RAE1: variants seen among roughly 807,000 people sequenced by gnomAD.
RAE1 encodes ribonucleic acid export 1, also known as mRNA export factor RAE1.
A neutral mutation model predicts 52.7 loss-of-function variants in RAE1; 13 were observed. The observed-to-expected ratio is 0.25, with a 90% CI of 0.16 to 0.39. The LOEUF is 0.39. Ranked by LOEUF, RAE1 falls within the 10% of genes least tolerant of loss-of-function variation. The probability of loss-of-function intolerance (pLI) is 1.00; values close to 1 mark genes in which losing one functional copy is unlikely to be tolerated. For synonymous variants in RAE1, 164 were observed against 153.1 expected, an observed-to-expected ratio of 1.07 and a Z score of -0.52; for missense variants, 262 against 459.8, an observed-to-expected ratio of 0.57 and a Z score of 3.93.
At chr20:57,364,054 G>GA (rs1351586612) in intron 4 of RAE1, among the ~76,000 whole-genome samples, 2 of 152,234 alleles carry the variant, frequency 1.3e-5, no homozygotes, top group East Asian at 3.8e-4. Context: ...TTTACAGGAA[G>GA]AGTCGGAGCT....
chr20:57,373,216 G>A lies in RAE1; in HGVS notation c.643-259G>A, dbSNP rs142550963. ...CCCATGGGGCTCTGCTGGCGTGAAC[G>A]CGGCCTTGCAGGGTGGCAGAGGGAG... On this transcript the variant is annotated intron_variant, in intron 8 of 11. Coordinates refer to ENST00000395841, the MANE Select transcript of RAE1 (RefSeq NM_003610.4). The A allele has an allele frequency of 9.6e-3, 4,624 of 482,444 alleles. 48 individuals are homozygous for A. Among genetic ancestry groups the A allele is most frequent in the Middle Eastern group, 0.028 (47 of 1,692 alleles). The allele number at this position is 482,444 out of a possible 1,614,324, so 29.9% of individuals were successfully genotyped here. A position where few individuals can be genotyped will look rare whatever the true frequency, so the allele number is the denominator to read the frequency against.
At chr20:57,377,278 G>T (rs111922356) in intron 11 of RAE1, among the ~76,000 whole-genome samples, 1 of 152,074 alleles carries the variant, frequency 6.6e-6, no homozygotes, top group Non-Finnish European at 1.5e-5. Context: ...GCCCACCTGC[G>T]GCTCCTGCCT....
intron 4 of RAE1, chr20:57,359,180 C>T (rs1489339311): frequency 7.1e-5 from 34 of 481,252 alleles, no homozygotes; most frequent in Admixed American, 3.5e-4. Flanking sequence ...GGTAAACAGG[C>T]GGGGTAAGAT....
At chr20:57,377,828 A>G (rs1441271638) in intron 11 of RAE1, among the ~76,000 whole-genome samples, 185 bp from the exon 12 acceptor site, 2 of 152,120 alleles carry the variant, frequency 1.3e-5, no homozygotes, top group African/African-American at 2.4e-5. Flanking sequence ...TACCAACCAC[A>G]TCCTTAGGCC....
At chr20:57,369,623 T>G (rs6064535) in intron 8 of RAE1, among the ~76,000 whole-genome samples, 8,464 of 152,266 alleles carry the variant, frequency 0.056, 580 homozygotes, top group African/African-American at 0.17. Context: ...AAATTACACA[T>G]CTGGATGGGT....
chr20:57,367,228 T>C (rs1473346536), intron 7 of RAE1, 149 bp downstream of exon 7: 9 of 712,350 alleles, frequency 1.3e-5, no homozygotes, highest in Non-Finnish European at 1.8e-5. Context: ...TGAGATTGCC[T>C]CAGTCGTCTC....
At chr20:57,371,318 G>C (rs915458638) in intron 8 of RAE1, 3 of 152,230 alleles carry the variant, frequency 2.0e-5, no homozygotes, top group Admixed American at 6.5e-5. Context: ...GGCTATTTCT[G>C]ACAAGGGATT....
rs536981841 is a variant in RAE1, at chr20:57,375,078, G to T, written c.1020+277G>T. 4 of 693,716 alleles carry T rather than the reference G, an allele frequency of 5.8e-6. No homozygotes were observed. The Admixed American group carries it at 6.1e-5, about 11-fold the overall frequency. 43.0% of individuals were successfully genotyped at this position (693,716 alleles called of 1,614,324 possible). On this transcript the variant is annotated intron_variant, in intron 11 of 11. Coordinates refer to ENST00000395841, the MANE Select transcript of RAE1 (RefSeq NM_003610.4). ...CTGGGCACAGAAGCACAGGCAAGCC[G>T]GGGGCTGCACTTTATGAAGGGGGTG...
At position 57,378,397 on chromosome 20, in the gene RAE1, A is replaced by G; in HGVS notation, c.*298A>G. 9.2e-6 allele frequency: 3 copies of G among 327,574 alleles called. No individual in the cohort carries two copies. The highest frequency in any genetic ancestry group is 1.7e-5 in the Non-Finnish European group (3 of 178,248). 20.3% of individuals were successfully genotyped at this position (327,574 alleles called of 1,614,324 possible). On this transcript the variant is annotated 3_prime_UTR_variant, in exon 12 of 12. Transcript: ENST00000395841. ...CGCTTCAGTGTACGTGTTAGAGAAT[A>G]TTGGAAAAGCGTCTGTGAGCCCCGT...
chr20:57,375,273 G>A (rs1249206455), intron 11 of RAE1, among the ~76,000 whole-genome samples: 2 of 151,968 alleles, frequency 1.3e-5, no homozygotes, highest in African/African-American at 4.8e-5. Flanking sequence ...CATGGGAAGT[G>A]TGTTGGCTTT....
rs1481631891 is a variant in RAE1 at position 57,367,025 on chromosome 20, G to A, written c.480G>A (p.Ser160=). Residue 160 remains serine, a synonymous_variant, in exon 7 of 12, where the codon TCG becomes TCA. Coordinates refer to ENST00000395841, the MANE Select transcript of RAE1 (RefSeq NM_003610.4). The part of the protein sequence containing the change: ...DKTLKFWDTR[S]SNPMMVLQLP... ...GCTTTTAGTTTTGGGATACTCGATC[G>A]TCAAATCCTATGATGGTTTTGCAAC... 1.9e-6 allele frequency: 3 copies of A among 1,610,208 alleles called. No individual in the cohort carries two copies. The highest frequency in any genetic ancestry group is 1.3e-5 in the African/African-American group (1 of 74,898).
intron 7 of RAE1, among the ~76,000 whole-genome samples, 160 bp from the exon 8 acceptor site, chr20:57,368,545 C>G (rs2066989941): frequency 6.6e-6 from 1 of 152,102 alleles, no homozygotes; most frequent in South Asian, 2.1e-4. Context: ...TATGAATGTT[C>G]TACTTTCAAA....
chr20:57,354,867 C>G, intron 3 of RAE1, 51 bp downstream of exon 3: 2 of 1,379,558 alleles, frequency 1.4e-6, no homozygotes, highest in South Asian at 2.7e-5. Flanking sequence ...TTTGTATGGC[C>G]AAGGTTAGCT....
intron 3 of RAE1, 33 bp downstream of exon 3, chr20:57,354,849 C>A: frequency 1.3e-6 from 2 of 1,487,450 alleles, no homozygotes; most frequent in South Asian, 2.5e-5. Flanking sequence ...TTCTAGAAAT[C>A]ATCTCTCTTT....
At chr20:57,370,048 C>T (rs1029460216) in intron 8 of RAE1, among the ~76,000 whole-genome samples, 1 of 152,188 alleles carries the variant, frequency 6.6e-6, no homozygotes, top group Admixed American at 6.5e-5. Context: ...TTAGCACTGA[C>T]ACTAGCTCAA....
intron 8 of RAE1, among the ~76,000 whole-genome samples, chr20:57,370,752 T>C (rs1568791369): frequency 6.6e-6 from 1 of 152,242 alleles, no homozygotes; most frequent in Non-Finnish European, 1.5e-5. Flanking sequence ...TTCCCTTCTT[T>C]TGCCTACTAG....
intron 2 of RAE1, 91 bp downstream of exon 2, chr20:57,354,219 C>T: frequency 1.8e-6 from 2 of 1,096,576 alleles, no homozygotes. Context: ...TGGGAGCCTC[C>T]TTTAGGCTGA....
intron 1 of RAE1, among the ~76,000 whole-genome samples, chr20:57,353,149 A>C (rs2146123502): frequency 6.6e-6 from 1 of 152,324 alleles, no homozygotes. Context: ...CGTAACAGGT[A>C]GTAGGATTGA....
intron 4 of RAE1, among the ~76,000 whole-genome samples, chr20:57,361,307 A>T (rs2066889175): frequency 6.6e-6 from 1 of 152,178 alleles, no homozygotes; most frequent in African/African-American, 2.4e-5. Flanking sequence ...TTAATCTATT[A>T]TACATAGTGG....
Sources: allele counts gnomAD v4.1 joint callset (sites outside exome capture counted in the v4.1 genomes callset), GRCh38; gene constraint gnomAD v4.1.1; transcripts MANE v1.5; gene names NCBI Gene and HGNC (gene_info 2026-07-23, HGNC 2026-07-21).